The following AP1G1 variants were observed in gnomAD, a reference collection of about 807,000 sequenced individuals.
The protein encoded by AP1G1 is AP-1 complex subunit gamma-1.
AP1G1 carries 7 observed loss-of-function variants against 108.3 expected under a neutral mutation model. The ratio of observed to expected loss-of-function variants is 0.06; its 90% CI spans 0.04 to 0.12. The LOEUF is 0.12. AP1G1 is among the 10% of genes least tolerant of loss of function. The probability of loss-of-function intolerance (pLI) is 1.00; values close to 1 mark genes in which losing one functional copy is unlikely to be tolerated. For synonymous variants in AP1G1, 379 were observed against 353.5 expected (o/e 1.07, Z -0.81); for missense variants, 756 against 1,010.7 (o/e 0.75, Z 3.42).
chr16:71,744,144 T>C (rs2030031605), intron 19 of AP1G1, among the ~76,000 whole-genome samples: 1 of 151,922 alleles, frequency 6.6e-6, no homozygotes, highest in Non-Finnish European at 1.5e-5. Context: ...CTCAGGAGGC[T>C]GAGGCAGAAG....
chr16:71,757,426 G>A lies in AP1G1; in HGVS notation c.1089-1267C>T, dbSNP rs546588120. 2.0e-5 allele frequency among the ~76,000 whole-genome samples: 3 copies of A among 150,034 alleles called. No individual in the cohort carries two copies. In the East Asian group the frequency reaches 5.9e-4, roughly 29 times the overall value. On this transcript the variant is annotated intron_variant, in intron 11 of 22. Transcript: ENST00000299980. ...AGGTCGCACCACCACACTCCAGCCT[G>A]AGCGACACAAGACTCCGTCTCCAAA...
intron 10 of AP1G1, among the ~76,000 whole-genome samples, chr16:71,759,714 C>T (rs193118106): frequency 6.6e-6 from 1 of 151,562 alleles, no homozygotes; most frequent in Non-Finnish European, 1.5e-5. Context: ...CAGCGGAGAT[C>T]GTGCCACTGC....
chr16:71,764,973 A>T (rs1423976037), intron 7 of AP1G1, among the ~76,000 whole-genome samples: 1 of 152,250 alleles, frequency 6.6e-6, no homozygotes, highest in Non-Finnish European at 1.5e-5. Context: ...CCACAGCTAA[A>T]GGATACTACC....
intron 1 of AP1G1, among the ~76,000 whole-genome samples, chr16:71,792,025 G>A (rs1171996670): frequency 6.6e-6 from 1 of 152,136 alleles, no homozygotes; most frequent in Non-Finnish European, 1.5e-5. Context: ...GCCTCCCAAA[G>A]TGCTGGGATT....
intron 2 of AP1G1, among the ~76,000 whole-genome samples, chr16:71,781,086 G>A (rs1470425365): frequency 6.6e-6 from 1 of 152,094 alleles, no homozygotes; most frequent in African/African-American, 2.4e-5. Flanking sequence ...CCAAAGTGCT[G>A]GGATTATAGG....
chr16:71,737,765 T>C (rs1261094781), intron 21 of AP1G1, among the ~76,000 whole-genome samples: 4 of 152,288 alleles, frequency 2.6e-5, no homozygotes, highest in Non-Finnish European at 5.9e-5. Flanking sequence ...CTAAATGCCA[T>C]ATTTCACATG....
intron 2 of AP1G1, among the ~76,000 whole-genome samples, chr16:71,777,996 C>T (rs1316729716): frequency 6.6e-6 from 1 of 152,192 alleles, no homozygotes; most frequent in East Asian, 1.9e-4. Flanking sequence ...CACACTAAGT[C>T]ACCAGTGACT....
intron 21 of AP1G1, among the ~76,000 whole-genome samples, chr16:71,738,525 T>A (rs916713357): frequency 5.9e-5 from 9 of 152,200 alleles, no homozygotes; most frequent in Non-Finnish European, 1.0e-4. Flanking sequence ...AAAATTTCAA[T>A]TCTGATCTGG....
At chr16:71,777,890 C>T in intron 2 of AP1G1, 1 of 225,634 alleles carries the variant, frequency 4.4e-6, no homozygotes, top group Admixed American at 5.2e-5. Flanking sequence ...GACAGAGGGG[C>T]CCTGGACAGT....
intron 13 of AP1G1, among the ~76,000 whole-genome samples, chr16:71,752,908 G>C (rs1287005147): frequency 1.3e-5 from 2 of 151,792 alleles, no homozygotes; most frequent in Non-Finnish European, 2.9e-5. Flanking sequence ...TGAATTGCTG[G>C]TTCAAATACC....
At chr16:71,777,724 C>G in intron 2 of AP1G1, 1 of 447,032 alleles carries the variant, frequency 2.2e-6, no homozygotes, top group Non-Finnish European at 4.6e-6. Context: ...CGTTCTCCTC[C>G]TCCTCCACCA....
chr16:71,797,057 T>C (rs988225143), intron 1 of AP1G1, among the ~76,000 whole-genome samples: 2 of 150,606 alleles, frequency 1.3e-5, no homozygotes, highest in East Asian at 1.9e-4. Flanking sequence ...TATATAAGCA[T>C]GAAAAGCAAT....
intron 21 of AP1G1, among the ~76,000 whole-genome samples, chr16:71,736,746 C>T (rs759186461): frequency 1.0e-4 from 13 of 124,612 alleles, no homozygotes; most frequent in East Asian, 7.2e-4. Context: ...CCACCACGCC[C>T]GGCTAATTTT....
At chr16:71,765,460 A>G (rs1286465536) in intron 7 of AP1G1, 29 bp downstream of exon 7, 13 of 1,503,966 alleles carry the variant, frequency 8.6e-6, no homozygotes, top group Admixed American at 3.4e-5. Flanking sequence ...TTCATATAAC[A>G]TTTATTTAAA....
intron 10 of AP1G1, 114 bp downstream of exon 10, chr16:71,761,398 T>G (rs2031077694): frequency 1.3e-6 from 1 of 785,788 alleles, no homozygotes; most frequent in African/African-American, 1.8e-5. Flanking sequence ...ATAAAAATTC[T>G]GAGCTAAAAG....
intron 2 of AP1G1, among the ~76,000 whole-genome samples, chr16:71,780,482 T>C (rs2031972182): frequency 7.3e-6 from 1 of 137,428 alleles, no homozygotes; most frequent in Non-Finnish European, 1.5e-5. Context: ...CAGAGTAAGA[T>C]CCTGTCTCTT....
At chr16:71,782,609 C>G (rs2032065520) in intron 2 of AP1G1, among the ~76,000 whole-genome samples, 1 of 151,952 alleles carries the variant, frequency 6.6e-6, no homozygotes, top group Non-Finnish European at 1.5e-5. Context: ...GCCTCAGTCT[C>G]CTGAGTAGCT....
rs1044455318 is a variant in AP1G1, at chr16:71,808,042, T to C, written c.-4+721A>G. 8 of 1,191,644 alleles carry C rather than the reference T, an allele frequency of 6.7e-6. No individual in the cohort carries two copies. In the African/African-American group the frequency reaches 9.6e-5, roughly 14 times the overall value. 73.8% of individuals were successfully genotyped at this position (1,191,644 alleles called of 1,614,324 possible). A position where few individuals can be genotyped will look rare whatever the true frequency, so the allele number is the denominator to read the frequency against. ...TGAGCGAGTGGTTCGATGGATCTCC[T>C]ACACCGAGTCCTAACCGGGAAACAC... On this transcript the variant is annotated intron_variant, in intron 1 of 22. Coordinates refer to ENST00000299980, the MANE Select transcript of AP1G1 (RefSeq NM_001128.6).
At chr16:71,754,081 A>C (rs376274751) in intron 12 of AP1G1, among the ~76,000 whole-genome samples, 194 bp from the exon 13 acceptor site, 142 of 152,096 alleles carry the variant, frequency 9.3e-4, no homozygotes, top group Non-Finnish European at 1.7e-3. Context: ...TCACCAAAAA[A>C]TACAAAAATT....
Sources: gnomAD v4.1 joint callset for allele counts (sites outside exome capture counted in the v4.1 genomes callset) on GRCh38, gnomAD v4.1.1 for gene constraint, MANE v1.5 for transcripts, NCBI Gene and HGNC (gene_info 2026-07-23, HGNC 2026-07-21) for gene names.